The following GRID2 variants were observed in gnomAD, a reference collection of about 807,000 sequenced individuals.
GRID2 encodes the protein glutamate receptor ionotropic, delta-2.
GRID2 carries 33 observed loss-of-function variants against 114.8 expected under a neutral mutation model. The ratio of observed to expected loss-of-function variants is 0.29; its 90% CI spans 0.22 to 0.38. The LOEUF is 0.38. GRID2 is among the 10% of genes least tolerant of loss of function. The pLI is 1.00. For synonymous variants in GRID2, 505 were observed against 449.9 expected, an observed-to-expected ratio of 1.12 and a Z score of -1.55; for missense variants, 1,184 against 1,257.7, an observed-to-expected ratio of 0.94 and a Z score of 0.89.
rs950388353 is a variant in GRID2 at position 93,773,606 on chromosome 4, T to C, written c.*1108T>C. 6.6e-6 allele frequency: 1 copy of C among 152,028 alleles called. No homozygotes were observed. Among genetic ancestry groups the C allele is most frequent in the African/African-American group, 2.4e-5 (1 of 41,406 alleles). 9.4% of individuals were successfully genotyped at this position (152,028 alleles called of 1,614,324 possible). ...GCTGAACCACATCCACAACAGCACA[T>C]AGAGCTCTAGAAGAGTTGAAACATA... On this transcript the variant is annotated 3_prime_UTR_variant, in exon 16 of 16. Transcript: ENST00000282020.
chr4:92,311,412 C>A (rs1725703598), intron 1 of GRID2, among the ~76,000 whole-genome samples: 1 of 152,020 alleles, frequency 6.6e-6, no homozygotes, highest in South Asian at 2.1e-4. Flanking sequence ...TGAGTAGATA[C>A]AGGGAAGCCA....
At position 92,819,754 on chromosome 4, in the gene GRID2, G is replaced by A. The variant is rs531081953; in HGVS notation, c.244+229468G>A. ...AAATTAGAGATATATTTTTTGCTCA[G>A]ATGCTTAAAATATTTTTTTTCTTTT... On this transcript the variant is annotated intron_variant, in intron 2 of 15. Transcript: ENST00000282020. Among the ~76,000 whole-genome samples the A allele has an allele frequency of 2.0e-5, 3 of 152,186 alleles. No homozygotes were observed. In the East Asian group the frequency reaches 5.8e-4, roughly 29 times the overall value.
At chr4:92,867,276 G>C (rs1343203312) in intron 2 of GRID2, among the ~76,000 whole-genome samples, 1 of 151,916 alleles carries the variant, frequency 6.6e-6, no homozygotes, top group Non-Finnish European at 1.5e-5. Context: ...CAGTTTATTA[G>C]CACAAAGTCA....
chr4:92,572,667 G>A (rs756836064), intron 1 of GRID2, among the ~76,000 whole-genome samples: 14 of 152,070 alleles, frequency 9.2e-5, no homozygotes, highest in Non-Finnish European at 1.8e-4. Context: ...AACCATCCTT[G>A]CATCCTACTT....
At chr4:92,779,186 A>ATGTGTGTGTGTGTGTGTGTG (rs70942930) in intron 2 of GRID2, among the ~76,000 whole-genome samples, 3 of 147,364 alleles carry the variant, frequency 2.0e-5, no homozygotes, top group Non-Finnish European at 3.0e-5. Context: ...TAGTAAGTAA[A>ATGTGTGTGTGTGTGTGTGTG]TGTGTGTGTG....
chr4:93,434,467 A>T (rs897168833), intron 10 of GRID2, among the ~76,000 whole-genome samples: 1 of 152,188 alleles, frequency 6.6e-6, no homozygotes, highest in Admixed American at 6.5e-5. Context: ...TATAAAAAAA[A>T]TTTAAAAAAG....
chr4:92,351,863 T>C (rs1264770678), intron 1 of GRID2, among the ~76,000 whole-genome samples: 3 of 151,944 alleles, frequency 2.0e-5, no homozygotes, highest in African/African-American at 7.2e-5. Context: ...TCAGTAGTAT[T>C]CTAATGTGTA....
intron 2 of GRID2, among the ~76,000 whole-genome samples, chr4:92,799,405 C>A (rs1031908416): frequency 6.6e-6 from 1 of 151,920 alleles, no homozygotes; most frequent in African/African-American, 2.4e-5. Context: ...CAGTCCATGA[C>A]CCTGGGGACC....
intron 2 of GRID2, among the ~76,000 whole-genome samples, chr4:93,022,712 A>G (rs1440737606): frequency 2.0e-5 from 3 of 151,918 alleles, no homozygotes; most frequent in Admixed American, 1.3e-4. Context: ...TTCTTTAATT[A>G]TAAGTATCTA....
chr4:93,806,152 T>C (rs1275925028), intron 1 of GRID2, among the ~76,000 whole-genome samples: 13 of 152,314 alleles, frequency 8.5e-5, no homozygotes, highest in Non-Finnish European at 1.8e-4. Context: ...TAAAATGTGT[T>C]TGACAAAATC....
At chr4:93,723,972 T>A (rs1028555918) in intron 14 of GRID2, among the ~76,000 whole-genome samples, 9 of 152,170 alleles carry the variant, frequency 5.9e-5, no homozygotes, top group Non-Finnish European at 1.2e-4. Context: ...TATCACCACT[T>A]CCAAGGCTCT....
intron 7 of GRID2, among the ~76,000 whole-genome samples, chr4:93,230,622 A>G (rs1218910642): frequency 6.6e-6 from 1 of 152,148 alleles, no homozygotes; most frequent in African/African-American, 2.4e-5. Context: ...GAAAAATTAA[A>G]TGATGTACTA....
intron 1 of GRID2, among the ~76,000 whole-genome samples, chr4:92,386,058 T>C (rs1729947257): frequency 6.6e-6 from 1 of 151,564 alleles, no homozygotes; most frequent in African/African-American, 2.4e-5. Context: ...AATTCACTTT[T>C]ATTTGTCAGT....
intron 13 of GRID2, among the ~76,000 whole-genome samples, chr4:93,612,408 G>A (rs1051782785): frequency 1.7e-4 from 25 of 146,324 alleles, no homozygotes; most frequent in Admixed American, 8.2e-4. Context: ...TCCTAGTCTC[G>A]ATGGGCTTTA....
At chr4:92,718,159 GA>G (rs1206334060) in intron 2 of GRID2, among the ~76,000 whole-genome samples, 1 of 151,854 alleles carries the variant, frequency 6.6e-6, no homozygotes, top group African/African-American at 2.4e-5. Flanking sequence ...ATCTCATAAG[GA>G]AAAATTTGAG....
chr4:92,627,855 T>C (rs1300704744), intron 2 of GRID2, among the ~76,000 whole-genome samples: 2 of 152,148 alleles, frequency 1.3e-5, no homozygotes, highest in Non-Finnish European at 2.9e-5. Context: ...CTCTGATTTG[T>C]AGTGTTTGCT....
intron 1 of GRID2, among the ~76,000 whole-genome samples, chr4:92,346,328 T>C (rs1312473323): frequency 1.3e-5 from 2 of 152,180 alleles, no homozygotes; most frequent in South Asian, 2.1e-4. Context: ...ATTTCATTCA[T>C]GGTATAATTT....
chr4:93,328,324 CAT>C lies in GRID2; in HGVS notation c.1246-67282_1246-67281del, dbSNP rs1326847047. 6.4e-3 allele frequency among the ~76,000 whole-genome samples: 976 copies of C among 152,210 alleles called. 8 individuals are homozygous for C. The highest frequency in any genetic ancestry group is 0.044 in the Middle Eastern group (13 of 294). On this transcript the variant is annotated intron_variant, in intron 8 of 15. Transcript: ENST00000282020. ...GATATATTTTGAATTTACCCCTTTG[CAT>C]GCCCCATTCTAGCTGCACTGACATT...
intron 2 of GRID2, among the ~76,000 whole-genome samples, chr4:92,929,164 G>C (rs780849366): frequency 4.0e-5 from 6 of 151,330 alleles, no homozygotes; most frequent in Non-Finnish European, 8.9e-5. Flanking sequence ...AGCCACATCA[G>C]CATCAGCTTT....
Sources: gnomAD v4.1 joint callset for allele counts (sites outside exome capture counted in the v4.1 genomes callset) on GRCh38, gnomAD v4.1.1 for gene constraint, MANE v1.5 for transcripts, NCBI Gene and HGNC (gene_info 2026-07-23, HGNC 2026-07-21) for gene names.